The following BIRC6 variants were observed in gnomAD, a reference collection of about 807,000 sequenced individuals.
The protein encoded by BIRC6 is dual E2 ubiquitin-conjugating enzyme/E3 ubiquitin-protein ligase BIRC6.
Under a neutral mutation model 503.3 loss-of-function variants are expected in BIRC6, and 98 were observed. The observed-to-expected ratio is 0.19, with a 90% CI of 0.17 to 0.23. The LOEUF (loss-of-function observed/expected upper bound fraction) is 0.23, where lower values mean the gene tolerates loss of function less well. Among genes scored for constraint, BIRC6 ranks in the 10% least tolerant of loss-of-function variants. The probability of loss-of-function intolerance (pLI) is 1.00; values close to 1 mark genes in which losing one functional copy is unlikely to be tolerated. For missense variants in BIRC6, 5,360 were observed against 5,806.0 expected (o/e 0.92, Z 2.50); for synonymous variants, 2,240 against 2,078.7 (o/e 1.08, Z -2.11).
rs769821729 is a variant in BIRC6, at chr2:32,357,135, C to T, written c.-27C>T. ...GGCGCCTGACTTCACTTCCGGCTAA[C>T]GCGCTCGGCTTGCCCCCTGGCCCCG... is the stretch of plus-strand genomic sequence containing the variant. On this transcript the variant is annotated 5_prime_UTR_variant, in exon 1 of 74. The change creates a new upstream start codon in the 5' untranslated region. Transcript: ENST00000421745. This position sits in a 1 kb window ranked among gnomAD's most constrained non-coding sequence, Gnocchi z 4.9. 1 of 1,462,304 alleles carries T rather than the reference C, an allele frequency of 6.8e-7. No homozygotes were observed. Among genetic ancestry groups the T allele is most frequent in the Non-Finnish European group, 8.9e-7 (1 of 1,121,296 alleles). The allele number at this position is 1,462,304 out of a possible 1,614,324, so 90.6% of individuals were successfully genotyped here.
At chr2:32,516,755 T>C (rs1223889174) in intron 55 of BIRC6, among the ~76,000 whole-genome samples, 1 of 152,050 alleles carries the variant, frequency 6.6e-6, no homozygotes, top group Non-Finnish European at 1.5e-5. Flanking sequence ...CTAGTTGGCT[T>C]TTTGCCAAAT....
Position 32,518,241 on chromosome 2 carries a change from T to C in BIRC6, c.11350-13T>C, listed in dbSNP as rs2055274511. On this transcript the variant is annotated splice_polypyrimidine_tract_variant and intron_variant, in intron 55 of 73. Coordinates refer to ENST00000421745, the MANE Select transcript of BIRC6 (RefSeq NM_016252.4). ...ATCTTGCATTTAACTTTTTAAATAT[T>C]TTGTCTTGCCAGGTTCTTTGTGAAC... 1 of 1,606,472 alleles carries C rather than the reference T, an allele frequency of 6.2e-7. No homozygotes were observed. The highest frequency in any genetic ancestry group is 8.5e-7 in the Non-Finnish European group (1 of 1,177,418).
rs1407669961 is a variant in BIRC6, at chr2:32,357,374, C to T, written c.213C>T (p.His71=). 2.6e-6 allele frequency: 4 copies of T among 1,548,224 alleles called. No individual in the cohort carries two copies. The highest frequency in any genetic ancestry group is 2.7e-5 in the African/African-American group (2 of 72,810). ...TGCACTGCGACGCCGACGGGCTGCACAGCCTGTCCTACCACCCTGCGCTCA... is the reference window on the plus strand; with the variant it reads ...TGCACTGCGACGCCGACGGGCTGCATAGCCTGTCCTACCACCCTGCGCTCA... ...GCMHCDADGL[H]SLSYHPALNA... The change falls in exon 1 of 74, where the codon CAC becomes CAT. Residue 71 remains histidine (H), a synonymous_variant. Transcript: ENST00000421745. This position sits in a 1 kb window ranked among gnomAD's most constrained non-coding sequence, Gnocchi z 4.9.
At chr2:32,368,899 T>C (rs985966989) in intron 1 of BIRC6, among the ~76,000 whole-genome samples, 1 of 152,124 alleles carries the variant, frequency 6.6e-6, no homozygotes, top group African/African-American at 2.4e-5. Context: ...TGACCTGTCC[T>C]CCTTGGCCTC....
At chr2:32,531,689 C>A (rs1163982076) in intron 61 of BIRC6, 138 bp downstream of exon 61, 6 of 758,884 alleles carry the variant, frequency 7.9e-6, no homozygotes, top group South Asian at 5.9e-5. Context: ...TTATATAACT[C>A]TTTCAATGGT....
In BIRC6 at chr2:32,459,484, A is replaced by T. The variant is rs574438676; in HGVS notation, c.4754-3710A>T. On this transcript the variant is annotated intron_variant, in intron 23 of 73. Transcript: ENST00000421745. ...GTACCTATGAGTACAACCTACAAAT[A>T]TTCTTTTTATTAAAGATTGTTGTTG... Among the ~76,000 whole-genome samples, 77 of 152,258 alleles carry T rather than the reference A, an allele frequency of 5.1e-4. 1 individual carries two copies. Among genetic ancestry groups the T allele is most frequent in the African/African-American group, 1.8e-3 (74 of 41,534 alleles).
intron 66 of BIRC6, among the ~76,000 whole-genome samples, chr2:32,577,834 C>T (rs1251661073): frequency 1.4e-4 from 21 of 152,016 alleles, no homozygotes; most frequent in Admixed American, 1.3e-3. Context: ...TTTGATTAAC[C>T]GGATGAAATT....
Position 32,468,435 on chromosome 2 carries a change from A to T in BIRC6, c.5781-2A>T, listed in dbSNP as rs1230523374. On this transcript the variant is annotated splice_acceptor_variant, in intron 28 of 73. Coordinates refer to ENST00000421745, the MANE Select transcript of BIRC6 (RefSeq NM_016252.4). LOFTEE classifies it high-confidence loss of function. ...ATTTTGTTCAATCTTTTTTTACTTT[A>T]GGTATAACTTGGCTTGTCATCGTCT... 6.4e-7 allele frequency: 1 copy of T among 1,555,198 alleles called. No homozygotes were observed. The highest frequency in any genetic ancestry group is 2.0e-5 in the Admixed American group (1 of 49,340).
intron 10 of BIRC6, among the ~76,000 whole-genome samples, chr2:32,427,856 C>T (rs990286712): frequency 6.6e-6 from 1 of 151,998 alleles, no homozygotes; most frequent in African/African-American, 2.4e-5. Context: ...AATCTGGATT[C>T]GTATCTCCCT....
At position 32,406,557 on chromosome 2, in the gene BIRC6, G is replaced by A; in HGVS notation, c.1477G>A (p.Gly493Arg). 6.2e-7 allele frequency: 1 copy of A among 1,602,850 alleles called. No individual in the cohort carries two copies. The highest frequency in any genetic ancestry group is 1.1e-5 in the South Asian group (1 of 90,242). Reference sequence around the variant, plus strand: ...GCATTCCAGATCAGATTCTGTGACAGGTATGTAAAAAGTATTAGATAATGT... The same window carrying A: ...GCATTCCAGATCAGATTCTGTGACAAGTATGTAAAAAGTATTAGATAATGT... ...EEHSRSDSVT[G>R]HTSQKEAMEV... Residue 493 changes from glycine (G) to arginine (R), a missense_variant and splice_region_variant, in exon 9 of 74, where the codon GGG (glycine) becomes AGG (arginine). Around this residue, in one of 16 missense-constraint regions of BIRC6, gnomAD observed 700 missense variants for 739.3 expected, o/e 0.95. Transcript: ENST00000421745.
rs761938318 is a variant in BIRC6, at chr2:32,499,593, C to A, written c.8515C>A (p.Leu2839Ile). The A allele has an allele frequency of 6.2e-7, 1 of 1,613,564 alleles. No individual in the cohort carries two copies. Residue 2839 changes from leucine to isoleucine, a missense_variant, in exon 46 of 74, where the codon CTC (leucine) becomes ATC (isoleucine). This residue lies in a region of BIRC6 where 2,299 missense variants were observed against 2,267.2 expected (regional missense o/e 1.01). Transcript: ENST00000421745. The stretch of plus-strand genomic sequence containing the variant: ...AGGACCTCTCGATGCCCAAGTGAAG[C>A]TCTTAGAATTCACTCTGGAGCAGAA... ...GQGPLDAQVKLLEFTLEQNFE... is the reference protein window; with the variant it reads ...GQGPLDAQVKILEFTLEQNFE...
intron 68 of BIRC6, among the ~76,000 whole-genome samples, chr2:32,596,661 G>C (rs984449152): frequency 6.6e-6 from 1 of 152,032 alleles, no homozygotes; most frequent in Non-Finnish European, 1.5e-5. Flanking sequence ...GTTTGTGTAT[G>C]TGTGTTTCTG....
intron 34 of BIRC6, 97 bp downstream of exon 34, chr2:32,476,441 T>C: frequency 2.3e-6 from 3 of 1,317,918 alleles, no homozygotes; most frequent in African/African-American, 1.5e-5. Flanking sequence ...TTACTCTGCT[T>C]AACAGAGAAG....
At chr2:32,413,427 G>A (rs773061567) in intron 9 of BIRC6, among the ~76,000 whole-genome samples, 10 of 151,804 alleles carry the variant, frequency 6.6e-5, no homozygotes, top group Non-Finnish European at 1.2e-4. Context: ...TGATCTGCCC[G>A]CCTCAGCCTC....
intron 10 of BIRC6, among the ~76,000 whole-genome samples, chr2:32,421,325 C>T (rs1165415532): frequency 6.6e-6 from 1 of 151,870 alleles, no homozygotes; most frequent in African/African-American, 2.4e-5. Flanking sequence ...CAGGATGATA[C>T]TGATCTCTTG....
chr2:32,419,676 A>G (rs1206866558), intron 10 of BIRC6, among the ~76,000 whole-genome samples: 1 of 152,196 alleles, frequency 6.6e-6, no homozygotes, highest in African/African-American at 2.4e-5. Flanking sequence ...TAGGGAACAT[A>G]TCATGAAATA....
chr2:32,501,833 A>T lies in BIRC6; in HGVS notation c.9152A>T (p.His3051Leu), dbSNP rs2053229617. 1 of 1,613,870 alleles carries T rather than the reference A, an allele frequency of 6.2e-7. No individual in the cohort carries two copies. The change falls in exon 47 of 74, where the codon CAC (histidine) becomes CTC (leucine). Residue 3051 changes from histidine to leucine, a missense_variant. Around this residue, in one of 16 missense-constraint regions of BIRC6, gnomAD observed 267 missense variants for 287.6 expected, o/e 0.93. Transcript: ENST00000421745. ...TTLSKKASTV[H>L]MMLQPILTYM... The stretch of plus-strand genomic sequence containing the variant: ...CTTAGTAAAAAAGCTTCTACAGTCC[A>T]CATGATGCTGCAGCCAATTTTAACA...
chr2:32,549,481 G>A lies in BIRC6; in HGVS notation c.13144G>A (p.Val4382Ile). 1 of 1,430,086 alleles carries A rather than the reference G, an allele frequency of 7.0e-7. No homozygotes were observed. The highest frequency in any genetic ancestry group is 2.0e-5 in the Admixed American group (1 of 49,122). 88.6% of individuals were successfully genotyped at this position (1,430,086 alleles called of 1,614,324 possible). The change falls in exon 65 of 74, where the codon GTT (valine) becomes ATT (isoleucine). Residue 4382 changes from valine (V) to isoleucine (I), a missense_variant and splice_region_variant. Transcript: ENST00000421745. ...AMSSYLRNDS[V>I]LDMARHVPLY... The stretch of plus-strand genomic sequence containing the variant: ...GTCATCTTATCTACGAAATGATTCA[G>A]GTAAATAATCCCTGTAAATGTGTCT...
intron 68 of BIRC6, 63 bp from the exon 69 acceptor site, chr2:32,597,688 G>C: frequency 1.6e-6 from 2 of 1,220,428 alleles, no homozygotes; most frequent in Non-Finnish European, 1.2e-6. Flanking sequence ...GTGATTGTTT[G>C]TGATTTTTGT....
Sources: gnomAD v4.1 joint callset for allele counts (sites outside exome capture counted in the v4.1 genomes callset) on GRCh38, gnomAD v4.1.1 for gene constraint, gnomAD v4.1.1 regional missense constraint, Gnocchi (gnomAD v3.1) non-coding constraint, MANE v1.5 for transcripts, NCBI Gene and HGNC (gene_info 2026-07-23, HGNC 2026-07-21) for gene names.